MMRN1: variants seen among roughly 807,000 people sequenced by gnomAD.
MMRN1 encodes the protein multimerin-1.
MMRN1 carries 94 observed loss-of-function variants against 100.7 expected under a neutral mutation model. The observed-to-expected ratio is 0.93, with a 90% confidence interval of 0.79 to 1.11. MMRN1 has a LOEUF of 1.11. MMRN1 is among the 50% of genes least tolerant of loss of function. MMRN1 has a pLI of 0.00. For missense variants in MMRN1, 1,606 were observed against 1,439.1 expected, an observed-to-expected ratio of 1.12 and a Z score of -1.88; for synonymous variants, 575 against 505.0, an observed-to-expected ratio of 1.14 and a Z score of -1.86.
At chr4:89,938,476 CATAT>C (rs372673572) in intron 6 of MMRN1, among the ~76,000 whole-genome samples, 9,392 of 123,246 alleles carry the variant, frequency 0.076, 487 homozygotes, top group African/African-American at 0.15. Context: ...ATTTTTTAAA[CATAT>C]ATATATATAT....
At chr4:89,907,818 C>A (rs544444533) in intron 1 of MMRN1, among the ~76,000 whole-genome samples, 1 of 140,074 alleles carries the variant, frequency 7.1e-6, no homozygotes, top group South Asian at 2.2e-4. Context: ...CTATGTCATG[C>A]CTGTTTTTTT....
chr4:89,938,128 G>A (rs79214011), intron 6 of MMRN1, among the ~76,000 whole-genome samples: 4,501 of 151,760 alleles, frequency 0.03, 112 homozygotes, highest in Middle Eastern at 0.12. Context: ...CATATTTAAT[G>A]TATGAATGTT....
At chr4:89,943,650 G>A (rs535439610) in intron 6 of MMRN1, among the ~76,000 whole-genome samples, 27 of 152,242 alleles carry the variant, frequency 1.8e-4, no homozygotes, top group Admixed American at 2.0e-4. Flanking sequence ...AAGTTAGAAA[G>A]CAAGGCTCTG....
At position 89,953,126 on chromosome 4, in the gene MMRN1, C is replaced by G; in HGVS notation, c.3395C>G (p.Pro1132Arg). ...LDVNYGASYTPRTGKFRIPYL... is the reference protein window; with the variant it reads ...LDVNYGASYTRRTGKFRIPYL... ...GTCAATTATGGAGCTTCATATACCCCAAGAACTGGAAAATTTAGAATTCCG... is the reference window on the plus strand; with the variant it reads ...GTCAATTATGGAGCTTCATATACCCGAAGAACTGGAAAATTTAGAATTCCG... The change falls in exon 8 of 8, where the codon CCA becomes CGA. Residue 1132 changes from proline (P) to arginine (R), a missense_variant. Transcript: ENST00000264790. The G allele has an allele frequency of 1.2e-6, 2 of 1,613,770 alleles. No homozygotes were observed. Among genetic ancestry groups the G allele is most frequent in the East Asian group, 2.2e-5 (1 of 44,852 alleles).
chr4:89,888,206 A>G (rs1337386618), intron 1 of MMRN1, among the ~76,000 whole-genome samples: 12 of 152,072 alleles, frequency 7.9e-5, no homozygotes, highest in East Asian at 1.9e-4. Context: ...GGGTTTCTCT[A>G]GTATATCTTA....
At chr4:89,911,923 T>C (rs1239658266) in intron 2 of MMRN1, 21 bp from the exon 3 acceptor site, 2 of 1,466,294 alleles carry the variant, frequency 1.4e-6, no homozygotes, top group Non-Finnish European at 9.5e-7. Context: ...TCGATTTCCC[T>C]CCAATTGCTC....
intron 6 of MMRN1, 52 bp from the exon 7 acceptor site, chr4:89,951,553 A>G (rs1723175004): frequency 2.1e-6 from 3 of 1,430,422 alleles, no homozygotes; most frequent in African/African-American, 3.0e-5. Context: ...TGAGATCAAC[A>G]GGAAAATAGG....
At chr4:89,948,361 G>A (rs1318212404) in intron 6 of MMRN1, among the ~76,000 whole-genome samples, 1 of 152,138 alleles carries the variant, frequency 6.6e-6, no homozygotes, top group African/African-American at 2.4e-5. Context: ...GGGGAGGGTG[G>A]CTGAAACATC....
chr4:89,880,414 C>T (rs543239533), intron 1 of MMRN1, among the ~76,000 whole-genome samples: 6 of 152,208 alleles, frequency 3.9e-5, no homozygotes, highest in African/African-American at 1.4e-4. Context: ...AAAGAGTTAA[C>T]CATTACCTAC....
At position 89,916,874 on chromosome 4, in the gene MMRN1, G is replaced by A. The variant is rs906055094; in HGVS notation, c.850+4824G>A. 6.6e-5 allele frequency among the ~76,000 whole-genome samples: 10 copies of A among 151,510 alleles called. No individual in the cohort carries two copies. In the South Asian group the frequency reaches 1.7e-3, roughly 25 times the overall value. ...AATGATATATGTCTCAAATTCTTTT[G>A]ACCCTGAGGTCAATAGAAAATTAAA... On this transcript the variant is annotated intron_variant, in intron 3 of 7. Transcript: ENST00000264790.
At chr4:89,951,479 C>A in intron 6 of MMRN1, 126 bp from the exon 7 acceptor site, 2 of 945,904 alleles carry the variant, frequency 2.1e-6, no homozygotes, top group Non-Finnish European at 2.9e-6. Context: ...GCATCCTGGG[C>A]CGTGGAGCCC....
chr4:89,936,764 G>C lies in MMRN1; in HGVS notation c.3084G>C (p.Arg1028=). 1 of 1,603,942 alleles carries C rather than the reference G, an allele frequency of 6.2e-7. No homozygotes were observed. Among genetic ancestry groups the C allele is most frequent in the Non-Finnish European group, 8.5e-7 (1 of 1,177,000 alleles). ...TVNLTTVLIG[R]TQRNTDNIIY... ...ATCTTACCACAGTCCTGATAGGCCG[G>C]ACTCAAAGAAACACGGACAACATAA... Residue 1028 remains arginine, a synonymous_variant, in exon 6 of 8, where the codon CGG becomes CGC. Coordinates refer to ENST00000264790, the MANE Select transcript of MMRN1 (RefSeq NM_007351.3).
At chr4:89,933,493 T>C (rs1722505566) in intron 5 of MMRN1, among the ~76,000 whole-genome samples, 1 of 152,150 alleles carries the variant, frequency 6.6e-6, no homozygotes, top group Non-Finnish European at 1.5e-5. Context: ...TTTATGCAGC[T>C]ATGAAATAGC....
chr4:89,900,926 A>G (rs937840773), intron 1 of MMRN1, among the ~76,000 whole-genome samples: 2 of 152,066 alleles, frequency 1.3e-5, no homozygotes, highest in African/African-American at 4.8e-5. Context: ...CAGAGAAGTT[A>G]GGAAGGAATC....
chr4:89,934,785 TATTATTA>T lies in MMRN1; in HGVS notation c.1130-18_1130-12del. 1 of 1,308,006 alleles carries T rather than the reference TATTATTA, an allele frequency of 7.6e-7. No individual in the cohort carries two copies. Among genetic ancestry groups the T allele is most frequent in the Non-Finnish European group, 1.0e-6 (1 of 970,280 alleles). The allele number at this position is 1,308,006 out of a possible 1,614,324, so 81.0% of individuals were successfully genotyped here. A position where few individuals can be genotyped will look rare whatever the true frequency, so the allele number is the denominator to read the frequency against. On this transcript the variant is annotated intron_variant, in intron 5 of 7. Coordinates refer to ENST00000264790, the MANE Select transcript of MMRN1 (RefSeq NM_007351.3). ...AAAGTCTCATATAATTAAAACTATG[TATTATTA>T]ATTATTTCTTTCTCTAGGTCTAAAA...
chr4:89,880,687 T>C (rs1413369842), intron 1 of MMRN1, among the ~76,000 whole-genome samples: 2 of 152,146 alleles, frequency 1.3e-5, no homozygotes, highest in African/African-American at 4.8e-5. Context: ...TGGTTTCTTA[T>C]ATAACATCTC....
chr4:89,923,068 C>T (rs894675941), intron 3 of MMRN1, 100 bp from the exon 4 acceptor site: 16 of 931,122 alleles, frequency 1.7e-5, no homozygotes, highest in Middle Eastern at 2.4e-4. Context: ...TGCTTCAGTA[C>T]GCGGGAAAAT....
chr4:89,942,469 G>T (rs1430075334), intron 6 of MMRN1, among the ~76,000 whole-genome samples: 4 of 151,960 alleles, frequency 2.6e-5, no homozygotes, highest in Non-Finnish European at 5.9e-5. Flanking sequence ...TTTTCATCCT[G>T]ACAAAAATCA....
chr4:89,905,251 TCAAA>T (rs199585954), intron 1 of MMRN1, among the ~76,000 whole-genome samples: 2,890 of 151,666 alleles, frequency 0.019, 36 homozygotes, highest in Non-Finnish European at 0.027. Context: ...TTAGTAATGG[TCAAA>T]CAGTTAAGTT....
Sources: allele counts gnomAD v4.1 joint callset (sites outside exome capture counted in the v4.1 genomes callset), GRCh38; gene constraint gnomAD v4.1.1; transcripts MANE v1.5; gene names NCBI Gene and HGNC (gene_info 2026-07-23, HGNC 2026-07-21).